The following ZC3H12B variants were observed in gnomAD, a reference collection of about 807,000 sequenced individuals.
The protein encoded by ZC3H12B is probable ribonuclease ZC3H12B.
Under a neutral mutation model 43.9 loss-of-function variants are expected in ZC3H12B, and 7 were observed. The ratio of observed to expected loss-of-function variants is 0.16; its 90% CI spans 0.09 to 0.30. The LOEUF is 0.30. Ranked by LOEUF, ZC3H12B falls within the 10% of genes least tolerant of loss-of-function variation. The pLI, the probability that ZC3H12B is intolerant of heterozygous loss-of-function variation, is 1.00. For missense variants in ZC3H12B, 475 were observed against 670.2 expected, an observed-to-expected ratio of 0.71 and a Z score of 3.22; for synonymous variants, 222 against 241.7, an observed-to-expected ratio of 0.92 and a Z score of 0.76.
intron 3 of ZC3H12B, among the ~76,000 whole-genome samples, chrX:65,437,539 GTCT>G (rs1359336670): frequency 8.9e-6 from 1 of 112,115 alleles, no homozygotes; most frequent in African/African-American, 3.2e-5. Context: ...GCATTTGTAT[GTCT>G]TCTTTTAAGA....
chrX:65,412,177 A>G (rs1602400026), intron 3 of ZC3H12B, among the ~76,000 whole-genome samples: 1 of 111,265 alleles, frequency 9.0e-6, no homozygotes, highest in South Asian at 3.7e-4. Flanking sequence ...GACAACCACC[A>G]ATCTATGTTC....
chrX:65,472,974 GTGTA>G (rs2067943543), intron 3 of ZC3H12B, among the ~76,000 whole-genome samples: 16 of 77,482 alleles, frequency 2.1e-4, no homozygotes, highest in African/African-American at 1.3e-3. Context: ...GTGTATGTGT[GTGTA>G]TATATATATA....
At chrX:65,244,088 T>C in the ZC3H12B span, among the ~76,000 whole-genome samples, 1 of 111,651 alleles carries the variant, frequency 9.0e-6, no homozygotes, top group East Asian at 2.8e-4. Flanking sequence ...AACAGTAATT[T>C]ATTACCTATT....
intron 3 of ZC3H12B, among the ~76,000 whole-genome samples, chrX:65,431,340 C>G (rs1182461594): frequency 8.9e-6 from 1 of 112,272 alleles, no homozygotes; most frequent in Non-Finnish European, 1.9e-5. Context: ...CAACTTGCCA[C>G]CAAGTAGATG....
chrX:65,261,203 G>A, the ZC3H12B span, among the ~76,000 whole-genome samples: 5 of 111,493 alleles, frequency 4.5e-5, no homozygotes, highest in Non-Finnish European at 7.6e-5. Context: ...AAAATGTATA[G>A]TAACAGAGCT....
the ZC3H12B span, among the ~76,000 whole-genome samples, chrX:65,042,980 G>C: frequency 2.6e-4 from 29 of 111,140 alleles, no homozygotes; most frequent in Non-Finnish European, 5.7e-5. Context: ...AGCCAAACCT[G>C]GTTTATTCAA....
the ZC3H12B span, among the ~76,000 whole-genome samples, chrX:65,263,973 C>A: frequency 9.0e-6 from 1 of 111,236 alleles, no homozygotes; most frequent in African/African-American, 3.3e-5. Flanking sequence ...TGGAATACTG[C>A]TCAGCCATAA....
At chrX:65,436,883 T>C (rs2067228024) in intron 3 of ZC3H12B, among the ~76,000 whole-genome samples, 1 of 111,352 alleles carries the variant, frequency 9.0e-6, no homozygotes. Flanking sequence ...GTACAACAAA[T>C]GGTTATTGGC....
chrX:65,054,495 T>C, the ZC3H12B span, among the ~76,000 whole-genome samples: 1 of 111,960 alleles, frequency 8.9e-6, no homozygotes, highest in African/African-American at 3.2e-5. Context: ...TGTAGCCTTG[T>C]AGTGTAGTTT....
At chrX:65,066,047 T>C in the ZC3H12B span, among the ~76,000 whole-genome samples, 184 of 109,046 alleles carry the variant, frequency 1.7e-3, no homozygotes, top group Admixed American at 5.0e-3. Flanking sequence ...TCCTGTAACC[T>C]TTTTTCAAGG....
intron 3 of ZC3H12B, among the ~76,000 whole-genome samples, chrX:65,457,409 T>G (rs1343971276): frequency 1.4e-5 from 1 of 71,190 alleles, no homozygotes; most frequent in African/African-American, 7.2e-5. Context: ...GGAGCCCCTC[T>G]GCCTGGCCGG....
intron 4 of ZC3H12B, 35 bp from the exon 10 acceptor site, chrX:65,501,754 G>A: frequency 9.1e-7 from 1 of 1,097,540 alleles, no homozygotes; most frequent in Non-Finnish European, 1.2e-6. Flanking sequence ...TTCCATCACT[G>A]AGAGAGAGTC....
chrX:65,353,127 A>G, the ZC3H12B span, among the ~76,000 whole-genome samples: 1 of 111,485 alleles, frequency 9.0e-6, no homozygotes, highest in East Asian at 2.8e-4. Flanking sequence ...CTTAGTGCTC[A>G]GATTACAGAC....
chrX:65,178,201 G>A, the ZC3H12B span, among the ~76,000 whole-genome samples: 1 of 112,290 alleles, frequency 8.9e-6, no homozygotes, highest in South Asian at 3.7e-4. Flanking sequence ...GGAAAAACTG[G>A]CTAGCCATAT....
the ZC3H12B span, among the ~76,000 whole-genome samples, chrX:65,142,212 G>A: frequency 8.9e-6 from 1 of 112,066 alleles, no homozygotes; most frequent in Non-Finnish European, 1.9e-5. Context: ...GGAGTAAGGT[G>A]GTATCACATG....
chrX:65,132,572 T>C, the ZC3H12B span, among the ~76,000 whole-genome samples: 2 of 110,676 alleles, frequency 1.8e-5, no homozygotes, highest in African/African-American at 3.3e-5. Context: ...GGTGTGGCTG[T>C]AGCCTAGGAA....
At chrX:65,163,712 C>T in the ZC3H12B span, among the ~76,000 whole-genome samples, 1 of 111,878 alleles carries the variant, frequency 8.9e-6, no homozygotes. Context: ...TCCCCAACCC[C>T]TTGTGCTTCC....
the ZC3H12B span, among the ~76,000 whole-genome samples, chrX:65,088,437 C>A: frequency 9.0e-6 from 1 of 111,235 alleles, no homozygotes; most frequent in Admixed American, 9.6e-5. Context: ...CATTCACTTG[C>A]CACTCACTCA....
chrX:65,237,124 A>G, the ZC3H12B span, among the ~76,000 whole-genome samples: 48 of 112,078 alleles, frequency 4.3e-4, no homozygotes, highest in African/African-American at 1.5e-3. Flanking sequence ...TTGGATGTAT[A>G]AATTACTTTG....
Sources: allele counts gnomAD v4.1 joint callset (sites outside exome capture counted in the v4.1 genomes callset), GRCh38; gene constraint gnomAD v4.1.1; transcripts MANE v1.5; gene names NCBI Gene and HGNC (gene_info 2026-07-23, HGNC 2026-07-21).